The following TNIK variants were observed in gnomAD, a reference collection of about 807,000 sequenced individuals.
TNIK encodes the protein TRAF2 and NCK-interacting protein kinase.
Under a neutral mutation model 191.3 loss-of-function variants are expected in TNIK, and 49 were observed. The observed-to-expected ratio is 0.26, with a 90% CI of 0.20 to 0.32. The LOEUF (loss-of-function observed/expected upper bound fraction) is 0.32, where lower values mean the gene tolerates loss of function less well. TNIK is among the 10% of genes least tolerant of loss of function. The probability of loss-of-function intolerance (pLI) is 1.00; values close to 1 mark genes in which losing one functional copy is unlikely to be tolerated. For missense variants in TNIK, 1,155 were observed against 1,702.3 expected, an observed-to-expected ratio of 0.68 and a Z score of 5.66; for synonymous variants, 594 against 600.9, an observed-to-expected ratio of 0.99 and a Z score of 0.17.
intron 2 of TNIK, among the ~76,000 whole-genome samples, chr3:171,311,954 G>A (rs1000488834): frequency 3.3e-5 from 5 of 151,710 alleles, no homozygotes; most frequent in African/African-American, 9.7e-5. Context: ...AAGTGCCAAA[G>A]CCACCAAGAG....
At chr3:171,385,929 T>C (rs1640114133) in intron 1 of TNIK, among the ~76,000 whole-genome samples, 1 of 152,204 alleles carries the variant, frequency 6.6e-6, no homozygotes, top group African/African-American at 2.4e-5. Flanking sequence ...CAGTCATTTT[T>C]TTGAACAAAA....
intron 2 of TNIK, among the ~76,000 whole-genome samples, chr3:171,237,472 G>C (rs1021095780): frequency 6.6e-6 from 1 of 150,604 alleles, no homozygotes; most frequent in African/African-American, 2.4e-5. Flanking sequence ...AATTTAGTGA[G>C]CAACTTACTG....
intron 1 of TNIK, among the ~76,000 whole-genome samples, chr3:171,437,292 T>G (rs980929747): frequency 6.6e-6 from 1 of 152,190 alleles, no homozygotes; most frequent in Non-Finnish European, 1.5e-5. Context: ...GCTGCTGAAC[T>G]GCATTTTGCA....
intron 2 of TNIK, among the ~76,000 whole-genome samples, chr3:171,237,208 G>A (rs992801253): frequency 1.3e-5 from 2 of 151,974 alleles, no homozygotes; most frequent in Non-Finnish European, 2.9e-5. Flanking sequence ...TCTTTATTTG[G>A]GCTGTTGATG....
At chr3:171,423,406 C>A (rs538075084) in intron 1 of TNIK, among the ~76,000 whole-genome samples, 2,274 of 152,154 alleles carry the variant, frequency 0.015, 53 homozygotes, top group African/African-American at 0.052. Flanking sequence ...GGCCATACTG[C>A]CCAAGGTAAT....
chr3:171,125,058 G>T (rs994088887), intron 17 of TNIK, among the ~76,000 whole-genome samples: 4 of 152,130 alleles, frequency 2.6e-5, no homozygotes, highest in African/African-American at 9.7e-5. Flanking sequence ...ATGAGGAAAT[G>T]TATTTGTAAT....
chr3:171,081,209 C>T (rs532180908), intron 27 of TNIK, among the ~76,000 whole-genome samples: 13 of 152,034 alleles, frequency 8.6e-5, no homozygotes, highest in African/African-American at 3.1e-4. Flanking sequence ...ACCTGGTTAA[C>T]CTTATTTGGG....
chr3:171,144,502 A>C (rs540447012), intron 12 of TNIK, among the ~76,000 whole-genome samples: 2 of 152,330 alleles, frequency 1.3e-5, no homozygotes, highest in South Asian at 4.1e-4. Flanking sequence ...TATGATTGAC[A>C]TGTAATAATT....
intron 4 of TNIK, among the ~76,000 whole-genome samples, chr3:171,197,655 G>A (rs1032223416): frequency 1.3e-5 from 2 of 152,150 alleles, no homozygotes; most frequent in African/African-American, 4.8e-5. Context: ...ATGTAGAAAG[G>A]CTTGATGTCA....
chr3:171,324,701 T>C (rs1050367921), intron 2 of TNIK, among the ~76,000 whole-genome samples: 2 of 152,092 alleles, frequency 1.3e-5, no homozygotes, highest in Non-Finnish European at 2.9e-5. Flanking sequence ...AAATGTCAGT[T>C]TTGTTGTTAT....
At chr3:171,173,471 TG>T (rs1478927351) in intron 9 of TNIK, among the ~76,000 whole-genome samples, 1 of 151,480 alleles carries the variant, frequency 6.6e-6, no homozygotes. Context: ...GCTTCTGAGT[TG>T]GGGGGAGGTG....
chr3:171,440,638 T>A (rs141906067), intron 1 of TNIK, among the ~76,000 whole-genome samples: 1 of 152,242 alleles, frequency 6.6e-6, no homozygotes, highest in Non-Finnish European at 1.5e-5. Flanking sequence ...CGAGCAGGCA[T>A]TCATTTCATT....
rs542041914 is a variant in TNIK at position 171,083,664 on chromosome 3, G to A, written c.3169+491C>T. ...CAAGTTTTATCTTGTTATTGCTAGG[G>A]TTATGACCTTTAGTAATTCACAAAA... On this transcript the variant is annotated intron_variant, in intron 26 of 32. Coordinates refer to ENST00000436636, the MANE Select transcript of TNIK (RefSeq NM_015028.4). Among the ~76,000 whole-genome samples the A allele has an allele frequency of 2.0e-5, 3 of 152,232 alleles. No individual in the cohort carries two copies. The South Asian group carries it at 6.2e-4, about 32-fold the overall frequency.
At chr3:171,421,475 G>T (rs1401193439) in intron 1 of TNIK, among the ~76,000 whole-genome samples, 2 of 152,132 alleles carry the variant, frequency 1.3e-5, no homozygotes, top group Admixed American at 1.3e-4. Context: ...ATCCAACTTG[G>T]ATACATACTT....
intron 2 of TNIK, among the ~76,000 whole-genome samples, chr3:171,339,306 A>T (rs947541039): frequency 6.6e-6 from 1 of 152,210 alleles, no homozygotes; most frequent in Admixed American, 6.5e-5. Flanking sequence ...CATCCTTGCC[A>T]TGAGTGTGGC....
chr3:171,372,562 G>A (rs561282103), intron 1 of TNIK, among the ~76,000 whole-genome samples: 2 of 152,210 alleles, frequency 1.3e-5, no homozygotes, highest in South Asian at 4.1e-4. Flanking sequence ...AGCTAGGACA[G>A]CCCTGGAGAA....
intron 2 of TNIK, among the ~76,000 whole-genome samples, chr3:171,321,359 A>C (rs1198127821): frequency 6.6e-6 from 1 of 152,236 alleles, no homozygotes; most frequent in African/African-American, 2.4e-5. Context: ...GCAGAAAAAA[A>C]AAAGTAAACC....
At chr3:171,340,358 T>G (rs1040842772) in intron 2 of TNIK, among the ~76,000 whole-genome samples, 2 of 152,340 alleles carry the variant, frequency 1.3e-5, no homozygotes, top group Middle Eastern at 6.8e-3. Context: ...AAAGCAGATA[T>G]GACAATCCCT....
At chr3:171,189,706 A>G (rs761930248) in intron 6 of TNIK, among the ~76,000 whole-genome samples, 13 of 152,218 alleles carry the variant, frequency 8.5e-5, no homozygotes, top group Non-Finnish European at 1.6e-4. Flanking sequence ...GAGATAATCT[A>G]TAGAAAATTG....
Sources: gnomAD v4.1 joint callset for allele counts (sites outside exome capture counted in the v4.1 genomes callset) on GRCh38, gnomAD v4.1.1 for gene constraint, MANE v1.5 for transcripts, NCBI Gene and HGNC (gene_info 2026-07-23, HGNC 2026-07-21) for gene names.